NINJ2: variants seen among roughly 807,000 people sequenced by gnomAD.
NINJ2 encodes the protein ninjurin-2.
In NINJ2, 12 loss-of-function variants were observed where a neutral mutation model predicts 11.7. The observed-to-expected ratio is 1.02, with a 90% CI of 0.66 to 1.66. NINJ2 has a LOEUF of 1.66. NINJ2 is among the 40% of genes most tolerant of loss of function. NINJ2 has a pLI of 0.00. For missense variants in NINJ2, 187 were observed against 181.8 expected (o/e 1.03, Z -0.16); for synonymous variants, 93 against 76.8 (o/e 1.21, Z -1.10).
intron 1 of NINJ2, among the ~76,000 whole-genome samples, chr12:609,091 T>TGAACGCACGCACGGCGCC (rs1947979410): frequency 8.2e-6 from 1 of 122,418 alleles, no homozygotes; most frequent in African/African-American, 3.4e-5. Flanking sequence ...CGCTAGGGGC[T>TGAACGCACGCACGGCGCC]GAACGCACGC....
intron 1 of NINJ2, among the ~76,000 whole-genome samples, chr12:654,268 T>A (rs1049312731): frequency 1.3e-5 from 2 of 152,122 alleles, no homozygotes; most frequent in African/African-American, 4.8e-5. Context: ...CTCACGCCTG[T>A]AATCCCACAC....
chr12:656,037 C>A (rs1937867844), intron 1 of NINJ2, among the ~76,000 whole-genome samples: 3 of 152,062 alleles, frequency 2.0e-5, no homozygotes, highest in Admixed American at 1.3e-4. Flanking sequence ...TTGTGAATAT[C>A]AACAAACTAA....
intron 1 of NINJ2, among the ~76,000 whole-genome samples, chr12:641,737 C>T (rs1475907909): frequency 2.0e-5 from 3 of 150,754 alleles, no homozygotes; most frequent in Non-Finnish European, 2.9e-5. Flanking sequence ...CCCATCTACT[C>T]GGGAGGCTGA....
At chr12:583,320 C>T (rs1408081775) in intron 1 of NINJ2, among the ~76,000 whole-genome samples, 2 of 152,236 alleles carry the variant, frequency 1.3e-5, no homozygotes, top group African/African-American at 4.8e-5. Context: ...CAGCTCAGGG[C>T]GATGCCCCAG....
chr12:607,379 GA>G (rs1947954786), intron 1 of NINJ2, among the ~76,000 whole-genome samples: 1 of 151,990 alleles, frequency 6.6e-6, no homozygotes, highest in Non-Finnish European at 1.5e-5. Context: ...TGATGATGAT[GA>G]CGACTGGAGT....
chr12:660,726 C>A (rs1027535358), intron 1 of NINJ2, among the ~76,000 whole-genome samples: 1 of 151,988 alleles, frequency 6.6e-6, no homozygotes, highest in Non-Finnish European at 1.5e-5. Context: ...TTTGGGAGGC[C>A]GAGGCTTGTG....
At chr12:656,308 G>A (rs553046969) in intron 1 of NINJ2, among the ~76,000 whole-genome samples, 65 of 152,120 alleles carry the variant, frequency 4.3e-4, no homozygotes, top group Middle Eastern at 6.8e-3. Context: ...AGGTTGCAGT[G>A]AGCCAAGATT....
chr12:662,771 C>T (rs1226502315), intron 1 of NINJ2, among the ~76,000 whole-genome samples: 1 of 152,236 alleles, frequency 6.6e-6, no homozygotes, highest in Non-Finnish European at 1.5e-5. Flanking sequence ...CAGAGGGACA[C>T]ACATCTCTGC....
intron 1 of NINJ2, among the ~76,000 whole-genome samples, chr12:600,758 G>A (rs1393547461): frequency 3.3e-5 from 5 of 150,752 alleles, no homozygotes; most frequent in East Asian, 4.0e-4. Context: ...CATAGCTCAC[G>A]GCAACCTTGA....
At chr12:653,655 C>A (rs1937829578) in intron 1 of NINJ2, among the ~76,000 whole-genome samples, 1 of 150,956 alleles carries the variant, frequency 6.6e-6, no homozygotes, top group Non-Finnish European at 1.5e-5. Context: ...GGAGATAAAA[C>A]AGGAACATAT....
chr12:621,633 A>G (rs1388625414), intron 1 of NINJ2, among the ~76,000 whole-genome samples: 2 of 151,898 alleles, frequency 1.3e-5, no homozygotes, highest in South Asian at 2.1e-4. Context: ...CCTGGCCAAC[A>G]TGGTGAAACC....
intron 1 of NINJ2, among the ~76,000 whole-genome samples, chr12:660,261 C>G (rs1937939977): frequency 6.9e-6 from 1 of 145,518 alleles, no homozygotes; most frequent in African/African-American, 2.6e-5. Context: ...GCACTCCTGC[C>G]TGTGTGACAC....
intron 1 of NINJ2, among the ~76,000 whole-genome samples, chr12:629,260 G>A (rs1413809627): frequency 6.6e-6 from 1 of 152,152 alleles, no homozygotes; most frequent in African/African-American, 2.4e-5. Context: ...TTACATGTGG[G>A]AAAACTGAAG....
chr12:570,503 G>A (rs2120792956), intron 1 of NINJ2, among the ~76,000 whole-genome samples: 1 of 152,322 alleles, frequency 6.6e-6, no homozygotes. Flanking sequence ...AGTGGGGAGC[G>A]CAGCAGGGTG....
Position 581,421 on chromosome 12 carries a change from G to A in NINJ2, c.34-15243C>T, listed in dbSNP as rs561691885. On this transcript the variant is annotated intron_variant, in intron 1 of 3. Transcript: ENST00000305108. This position sits in a 1 kb window ranked among gnomAD's most constrained non-coding sequence, Gnocchi z 4.9. The stretch of plus-strand genomic sequence containing the variant: ...CAGCCTGAATCTGCTGCGCCTGCCA[G>A]CTTCAGCCAATCCAAGGAGGCCTGG... Among the ~76,000 whole-genome samples, 1 of 152,296 alleles carries A rather than the reference G, an allele frequency of 6.6e-6. No individual in the cohort carries two copies. Among genetic ancestry groups the A allele is most frequent in the South Asian group, 2.1e-4 (1 of 4,812 alleles).
intron 1 of NINJ2, among the ~76,000 whole-genome samples, chr12:568,874 ACACCCCCCCC>A (rs1947338390): frequency 2.6e-5 from 1 of 38,782 alleles, no homozygotes; most frequent in Non-Finnish European, 4.6e-5. Context: ...GGCTGTGAGG[ACACCCCCCCC>A]CCCCCGCCCC....
At chr12:596,634 A>G (rs1423461046) in intron 1 of NINJ2, among the ~76,000 whole-genome samples, 2 of 152,210 alleles carry the variant, frequency 1.3e-5, no homozygotes, top group South Asian at 2.1e-4. Context: ...AATATAAAAA[A>G]GTGGCAAGCT....
intron 1 of NINJ2, among the ~76,000 whole-genome samples, chr12:636,730 G>GA (rs1387082281): frequency 6.6e-6 from 1 of 151,666 alleles, no homozygotes; most frequent in Non-Finnish European, 1.5e-5. Context: ...AAAGAAGAAA[G>GA]AAAAAAAAGC....
At chr12:594,676 A>G (rs1332865587) in intron 1 of NINJ2, among the ~76,000 whole-genome samples, 1 of 152,238 alleles carries the variant, frequency 6.6e-6, no homozygotes, top group African/African-American at 2.4e-5. Flanking sequence ...AGGAAGAAAC[A>G]AAACAACTGA....
Sources: allele counts gnomAD v4.1 joint callset (sites outside exome capture counted in the v4.1 genomes callset), GRCh38; gene constraint gnomAD v4.1.1; non-coding constraint Gnocchi (gnomAD v3.1); transcripts MANE v1.5; gene names NCBI Gene and HGNC (gene_info 2026-07-23, HGNC 2026-07-21).